Variants in SMARCD2 observed in about 807,000 individuals in gnomAD.
The protein encoded by SMARCD2 is SWI/SNF related BAF chromatin remodeling complex subunit D2, also known as SWI/SNF-related matrix-associated actin-dependent regulator of chromatin subfamily D member 2.
A neutral mutation model predicts 70.4 loss-of-function variants in SMARCD2; 39 were observed. The observed-to-expected ratio is 0.55, with a 90% CI of 0.43 to 0.72. The LOEUF (loss-of-function observed/expected upper bound fraction) is 0.72, where lower values mean the gene tolerates loss of function less well. SMARCD2 is among the 30% of genes least tolerant of loss of function. The pLI, the probability that SMARCD2 is intolerant of heterozygous loss-of-function variation, is 0.00. For missense variants in SMARCD2, 540 were observed against 713.4 expected (o/e 0.76, Z 2.77); for synonymous variants, 249 against 279.4 (o/e 0.89, Z 1.08).
rs780110258 is a variant in SMARCD2, at chr17:63,837,496, G to A, written c.346C>T (p.Arg116Ter). 1.9e-6 allele frequency: 3 copies of A among 1,595,860 alleles called. No individual in the cohort carries two copies. Among genetic ancestry groups the A allele is most frequent in the Non-Finnish European group, 2.6e-6 (3 of 1,168,714 alleles). Reference sequence around the variant, plus strand: ...GCCTGGGGCACAAGCAGGCGTTTTCGGAATGGATCCATCATGGTGGGTGGC... The same window carrying A: ...GCCTGGGGCACAAGCAGGCGTTTTCAGAATGGATCCATCATGGTGGGTGGC... ...GMPPTMMDPF[R>*]KRLLVPQAQP... Residue 116 changes from arginine to a stop codon, truncating the protein, a stop_gained, in exon 2 of 13, where the codon CGA becomes TGA. Coordinates refer to ENST00000448276, the MANE Select transcript of SMARCD2 (RefSeq NM_001098426.2). LOFTEE classifies it high-confidence loss of function. The surrounding 1 kb of genome is among the most constrained non-coding windows in gnomAD (Gnocchi z 6.4).
At position 63,837,380 on chromosome 17, in the gene SMARCD2, G is replaced by A; in HGVS notation, c.401+61C>T. 14 of 1,551,642 alleles carry A rather than the reference G, an allele frequency of 9.0e-6. No individual in the cohort carries two copies. Among genetic ancestry groups the A allele is most frequent in the East Asian group, 2.2e-5 (1 of 44,496 alleles). On this transcript the variant is annotated intron_variant, in intron 2 of 12. Coordinates refer to ENST00000448276, the MANE Select transcript of SMARCD2 (RefSeq NM_001098426.2). This position sits in a 1 kb window ranked among gnomAD's most constrained non-coding sequence, Gnocchi z 6.4. The stretch of plus-strand genomic sequence containing the variant: ...GTCACCAAAGCTCTTAAGATAGAAG[G>A]AAACCCTCTGCTACCACCAGAGCTG...
chr17:63,838,795 A>G lies in SMARCD2; in HGVS notation c.217-1170T>C. The stretch of plus-strand genomic sequence containing the variant: ...ATGCAACGAGCACAACCAGCCAACC[A>G]AGCCCGGCAGGGTGGAGACTTGTAC... On this transcript the variant is annotated intron_variant, in intron 1 of 12. Transcript: ENST00000448276. The G allele has an allele frequency of 6.3e-6, 8 of 1,270,550 alleles. No individual in the cohort carries two copies. In the South Asian group the frequency reaches 2.2e-4, roughly 36 times the overall value. The allele number at this position is 1,270,550 out of a possible 1,614,324, so 78.7% of individuals were successfully genotyped here. A position where few individuals can be genotyped will look rare whatever the true frequency, so the allele number is the denominator to read the frequency against.
At chr17:63,838,936 GC>G (rs1220436187) in intron 1 of SMARCD2, 1 of 985,266 alleles carries the variant, frequency 1.0e-6, no homozygotes, top group Non-Finnish European at 1.2e-6. Context: ...TTGACCAGAT[GC>G]GGAGATGGAA....
At position 63,833,623 on chromosome 17, in the gene SMARCD2, G is replaced by T; in HGVS notation, c.1281C>A (p.Thr427=). Residue 427 remains threonine, a synonymous_variant, in exon 10 of 13, where the codon ACC becomes ACA. Transcript: ENST00000448276. The surrounding 1 kb of genome is among the most constrained non-coding windows in gnomAD (Gnocchi z 4.3). ...GGGAGGCGATCTCCTGCTGATTGGT[G>T]GTAGAGGCCAGAAAATTGCTCATTT... ...KAQMSNFLAS[T]TNQQEIASLD... The T allele has an allele frequency of 1.9e-6, 3 of 1,614,020 alleles. No homozygotes were observed. Among genetic ancestry groups the T allele is most frequent in the Non-Finnish European group, 2.5e-6 (3 of 1,179,902 alleles).
Position 63,832,094 on chromosome 17 carries a change from G to T in SMARCD2, c.*844C>A, listed in dbSNP as rs1008373855. 6.1e-6 allele frequency: 6 copies of T among 990,876 alleles called. No individual in the cohort carries two copies. The highest frequency in any genetic ancestry group is 9.2e-6 in the Non-Finnish European group (6 of 650,486). The allele number at this position is 990,876 out of a possible 1,614,324, so 61.4% of individuals were successfully genotyped here. ...TCCAGGCACCACCAATAGACAAAAGGATTTATTTGGAAATTTCCAAACCTG... is the reference window on the plus strand; with the variant it reads ...TCCAGGCACCACCAATAGACAAAAGTATTTATTTGGAAATTTCCAAACCTG... On this transcript the variant is annotated 3_prime_UTR_variant, in exon 13 of 13. Transcript: ENST00000448276.
Position 63,836,927 on chromosome 17 carries a change from G to C in SMARCD2, c.562C>G (p.Leu188Val). ...GTGGTCAGGGCCACACATACTGTCA[G>C]AGGCTTTTTGATGGCCTCCTGGATC... is the stretch of plus-strand genomic sequence containing the variant. ...MEIQEAIKKPLTQKRKLRIYI... is the reference protein window; with the variant it reads ...MEIQEAIKKPVTQKRKLRIYI... The change falls in exon 4 of 13, where the codon CTG becomes GTG. Residue 188 changes from leucine to valine, a missense_variant. Leu to Val is a conservative substitution (Grantham distance 32, BLOSUM62 1). Transcript: ENST00000448276. 3 of 1,613,694 alleles carry C rather than the reference G, an allele frequency of 1.9e-6. No homozygotes were observed. The highest frequency in any genetic ancestry group is 2.2e-5 in the East Asian group (1 of 44,876).
In SMARCD2 at chr17:63,833,539, C is replaced by T. The variant is rs567904650; in HGVS notation, c.1317+48G>A. 6.2e-7 allele frequency: 1 copy of T among 1,613,066 alleles called. No homozygotes were observed. The highest frequency in any genetic ancestry group is 1.1e-5 in the South Asian group (1 of 91,034). ...ATGGAAATGCTGGACAGAGCCAGCC[C>T]ACCCCAATCCTGGGCCCCAGAGGAA... On this transcript the variant is annotated intron_variant, in intron 10 of 12. Coordinates refer to ENST00000448276, the MANE Select transcript of SMARCD2 (RefSeq NM_001098426.2). The surrounding 1 kb of genome is among the most constrained non-coding windows in gnomAD (Gnocchi z 4.3).
intron 1 of SMARCD2, among the ~76,000 whole-genome samples, chr17:63,840,916 C>A (rs975668859): frequency 4.6e-5 from 7 of 152,240 alleles, no homozygotes; most frequent in South Asian, 2.1e-4. Flanking sequence ...GGCCACCCCC[C>A]ACCAAAACAT....
In SMARCD2 at chr17:63,834,768, G is replaced by A. The variant is rs149871031; in HGVS notation, c.756C>T (p.Phe252=). Residue 252 remains phenylalanine, a synonymous_variant, in exon 6 of 13, where the codon TTC becomes TTT. Transcript: ENST00000448276. The surrounding 1 kb of genome is among the most constrained non-coding windows in gnomAD (Gnocchi z 5.6). ...PSKQKRKFSS[F]FKSLVIELDK... is the part of the protein sequence containing the mutation. The stretch of plus-strand genomic sequence containing the variant: ...CCAGCTCAATGACGAGGCTCTTAAA[G>A]AATGAAGAAAACTTCCTCTTCTGTT... 7.0e-5 allele frequency: 113 copies of A among 1,613,730 alleles called. No homozygotes were observed. The East Asian group carries it at 2.2e-3, about 32-fold the overall frequency.
Position 63,833,697 on chromosome 17 carries a change from T to G in SMARCD2, c.1207A>C (p.Thr403Pro). 6.2e-7 allele frequency: 1 copy of G among 1,613,924 alleles called. No individual in the cohort carries two copies. The highest frequency in any genetic ancestry group is 1.1e-5 in the South Asian group (1 of 91,072). ...TCCACATCGATGTCGTAACAGGCTG[T>G]CTTCTTCTGGTCGTTAGGGTCGACA... ...ISVDPNDQKK[T>P]ACYDIDVEVD... The change falls in exon 10 of 13, where the codon ACA becomes CCA. Residue 403 changes from threonine (T) to proline (P), a missense_variant. Physicochemically the swap from Thr to Pro is conservative, Grantham distance 38. Transcript: ENST00000448276. The surrounding 1 kb of genome is among the most constrained non-coding windows in gnomAD (Gnocchi z 4.3).
intron 1 of SMARCD2, among the ~76,000 whole-genome samples, chr17:63,839,538 G>A (rs539712579): frequency 5.3e-5 from 8 of 150,882 alleles, no homozygotes; most frequent in Non-Finnish European, 1.2e-4. Context: ...GCTCCATAGG[G>A]CTTATAGGCG....
rs7213828 is a variant in SMARCD2, at chr17:63,833,262, T to A, written c.1440+36A>T. 1.9e-6 allele frequency: 3 copies of A among 1,613,516 alleles called. No homozygotes were observed. In the African/African-American group the frequency reaches 4.0e-5, roughly 22 times the overall value. On this transcript the variant is annotated intron_variant, in intron 11 of 12. Coordinates refer to ENST00000448276, the MANE Select transcript of SMARCD2 (RefSeq NM_001098426.2). This position sits in a 1 kb window ranked among gnomAD's most constrained non-coding sequence, Gnocchi z 4.3. ...GCTGTGGGTAAAAATCACCCAGAGCTTTACATAGGAGTCCCCTCGGGAAAG... is the reference window on the plus strand; with the variant it reads ...GCTGTGGGTAAAAATCACCCAGAGCATTACATAGGAGTCCCCTCGGGAAAG...
intron 4 of SMARCD2, among the ~76,000 whole-genome samples, chr17:63,836,302 A>G (rs563542677): frequency 1.3e-5 from 2 of 152,136 alleles, no homozygotes; most frequent in African/African-American, 4.8e-5. Context: ...GGCAGTCAGG[A>G]GTTCGAGACC....
chr17:63,838,522 G>T, intron 1 of SMARCD2: 1 of 1,152,608 alleles, frequency 8.7e-7, no homozygotes, highest in Non-Finnish European at 1.1e-6. Context: ...AGATTATCCT[G>T]GGAGGCAAGG....
intron 4 of SMARCD2, 111 bp from the exon 5 acceptor site, chr17:63,835,678 C>A: frequency 1.0e-6 from 1 of 970,776 alleles, no homozygotes; most frequent in Non-Finnish European, 1.5e-6. Context: ...CACCATGAGC[C>A]AGCCAGGCAC....
chr17:63,840,091 T>G (rs989618895), intron 1 of SMARCD2, among the ~76,000 whole-genome samples: 27 of 151,428 alleles, frequency 1.8e-4, no homozygotes, highest in African/African-American at 6.1e-4. Flanking sequence ...ATCATGTCAC[T>G]GCACTCCAGC....
chr17:63,833,771 C>A lies in SMARCD2; in HGVS notation c.1182-49G>T. 1 of 1,610,332 alleles carries A rather than the reference C, an allele frequency of 6.2e-7. No individual in the cohort carries two copies. Among genetic ancestry groups the A allele is most frequent in the South Asian group, 1.1e-5 (1 of 90,982 alleles). ...AAGGCACATAGCTGACTTCATCCTGCCCACCTGGGCCAAATCTGGGGCCCA... is the reference window on the plus strand; with the variant it reads ...AAGGCACATAGCTGACTTCATCCTGACCACCTGGGCCAAATCTGGGGCCCA... On this transcript the variant is annotated intron_variant, in intron 9 of 12. Coordinates refer to ENST00000448276, the MANE Select transcript of SMARCD2 (RefSeq NM_001098426.2). The surrounding 1 kb of genome is among the most constrained non-coding windows in gnomAD (Gnocchi z 4.3).
In SMARCD2 at chr17:63,837,397, C is replaced by T. The variant is rs994593685; in HGVS notation, c.401+44G>A. ...GATAGAAGGAAACCCTCTGCTACCA[C>T]CAGAGCTGAGTTAGGCAGAGTGAGA... On this transcript the variant is annotated intron_variant, in intron 2 of 12. Coordinates refer to ENST00000448276, the MANE Select transcript of SMARCD2 (RefSeq NM_001098426.2). The surrounding 1 kb of genome is among the most constrained non-coding windows in gnomAD (Gnocchi z 6.4). 6.4e-7 allele frequency: 1 copy of T among 1,557,286 alleles called. No homozygotes were observed. The highest frequency in any genetic ancestry group is 8.8e-7 in the Non-Finnish European group (1 of 1,138,586).
rs1252946800 is a variant in SMARCD2, at chr17:63,833,915, A to C, written c.1175T>G (p.Val392Gly). 1 of 1,609,246 alleles carries C rather than the reference A, an allele frequency of 6.2e-7. No homozygotes were observed. The highest frequency in any genetic ancestry group is 8.5e-7 in the Non-Finnish European group (1 of 1,175,700). Reference sequence around the variant, plus strand: ...TCCCCCTCCTTGCATTTACCTAATGACATGGTTGATGACAATGGGGTCTGG... The same window carrying C: ...TCCCCCTCCTTGCATTTACCTAATGCCATGGTTGATGACAATGGGGTCTGG... ...QHPDPIVINHVISVDPNDQKK... is the reference protein window; with the variant it reads ...QHPDPIVINHGISVDPNDQKK... Residue 392 changes from valine (V) to glycine (G), a missense_variant, in exon 9 of 13, where the codon GTC becomes GGC. Physicochemically the swap from Val to Gly is moderately radical, Grantham distance 109. Coordinates refer to ENST00000448276, the MANE Select transcript of SMARCD2 (RefSeq NM_001098426.2). The surrounding 1 kb of genome is among the most constrained non-coding windows in gnomAD (Gnocchi z 4.3).
Sources: allele counts gnomAD v4.1 joint callset (sites outside exome capture counted in the v4.1 genomes callset), GRCh38; gene constraint gnomAD v4.1.1; non-coding constraint Gnocchi (gnomAD v3.1); transcripts MANE v1.5; gene names NCBI Gene and HGNC (gene_info 2026-07-23, HGNC 2026-07-21).